The following WWC2 variants were observed in gnomAD, a reference collection of about 807,000 sequenced individuals.
The protein encoded by WWC2 is protein WWC2.
WWC2 carries 101 observed loss-of-function variants against 138.5 expected under a neutral mutation model. The ratio of observed to expected loss-of-function variants is 0.73; its 90% CI spans 0.62 to 0.86. WWC2 has a LOEUF of 0.86. Ranked by LOEUF, WWC2 falls within the 40% of genes least tolerant of loss-of-function variation. WWC2 has a pLI of 0.00. For missense variants in WWC2, 1,420 were observed against 1,419.4 expected (o/e 1.00, Z -0.01); for synonymous variants, 558 against 538.4 (o/e 1.04, Z -0.50).
At chr4:183,210,881 C>A (rs573489981) in intron 4 of WWC2, among the ~76,000 whole-genome samples, 1 of 152,130 alleles carries the variant, frequency 6.6e-6, no homozygotes, top group Non-Finnish European at 1.5e-5. Flanking sequence ...CGAGACATAC[C>A]GTCTTATATG....
Position 183,099,360 on chromosome 4 carries a change from C to CGCGCCCT in WWC2, c.-125_-119dup, listed in dbSNP as rs1347350075. On this transcript the variant is annotated 5_prime_UTR_variant, in exon 1 of 23. Coordinates refer to ENST00000403733, the MANE Select transcript of WWC2 (RefSeq NM_024949.6). Reference sequence around the variant, plus strand: ...TCCCGCGCGTGGTTCCGCCGCGCCCCGCGCCCTGCGCCCCTCAGCCCCTCG... The same window carrying CGCGCCCT: ...TCCCGCGCGTGGTTCCGCCGCGCCCCGCGCCCTGCGCCCTGCGCCCCTCAGCCCCTCG... 8.5e-5 allele frequency: 83 copies of CGCGCCCT among 973,428 alleles called. 1 individual carries two copies. The highest frequency in any genetic ancestry group is 8.2e-4 in the African/African-American group (47 of 57,662). The allele number at this position is 973,428 out of a possible 1,614,324, so 60.3% of individuals were successfully genotyped here. A position where few individuals can be genotyped will look rare whatever the true frequency, so the allele number is the denominator to read the frequency against.
chr4:183,288,929 T>C (rs1324239927), intron 20 of WWC2, among the ~76,000 whole-genome samples: 1 of 152,244 alleles, frequency 6.6e-6, no homozygotes, highest in African/African-American at 2.4e-5. Flanking sequence ...TCTTGCAATG[T>C]ATTTATTTAT....
chr4:183,247,804 G>GTA (rs1284905921), intron 6 of WWC2, among the ~76,000 whole-genome samples: 5 of 132,838 alleles, frequency 3.8e-5, no homozygotes, highest in Non-Finnish European at 6.4e-5. Flanking sequence ...ATAGTATATA[G>GTA]TATATATATC....
intron 1 of WWC2, among the ~76,000 whole-genome samples, chr4:183,113,505 T>TGC (rs1732308297): frequency 1.4e-5 from 2 of 146,748 alleles, no homozygotes; most frequent in African/African-American, 5.3e-5. Flanking sequence ...TGTGTGTGTG[T>TGC]GTGTGTGTGT....
Position 183,320,371 on chromosome 4 carries a change from C to G in WWC2, c.*4642C>G. The G allele has an allele frequency of 1.3e-6, 1 of 751,656 alleles. No homozygotes were observed. Among genetic ancestry groups the G allele is most frequent in the African/African-American group, 1.8e-5 (1 of 56,376 alleles). 46.6% of individuals were successfully genotyped at this position (751,656 alleles called of 1,614,324 possible). ...TTGCCAGAGTTGCTATTGTTTGATT[C>G]CATGTTGAATGGGTTTCACAAAAGG... On this transcript the variant is annotated 3_prime_UTR_variant, in exon 23 of 23. Coordinates refer to ENST00000403733, the MANE Select transcript of WWC2 (RefSeq NM_024949.6).
chr4:183,271,311 A>T, intron 16 of WWC2, 70 bp downstream of exon 16: 1 of 1,272,662 alleles, frequency 7.9e-7, no homozygotes, highest in Non-Finnish European at 1.0e-6. Flanking sequence ...TATGAAAGTA[A>T]TATGAAATAT....
chr4:183,270,168 G>A (rs986123913), intron 15 of WWC2: 1 of 152,142 alleles, frequency 6.6e-6, no homozygotes, highest in South Asian at 2.1e-4. Flanking sequence ...TATCAGAAAG[G>A]CTTTAGTATC....
At chr4:183,254,040 G>T in intron 9 of WWC2, 41 bp downstream of exon 9, 6 of 1,598,120 alleles carry the variant, frequency 3.8e-6, no homozygotes, top group South Asian at 1.1e-5. Context: ...TAACTCTTGT[G>T]GGGGTGTCTT....
intron 21 of WWC2, among the ~76,000 whole-genome samples, chr4:183,297,452 C>G (rs1738671091): frequency 6.6e-6 from 1 of 151,632 alleles, no homozygotes; most frequent in African/African-American, 2.4e-5. Context: ...TCTTGTCACC[C>G]AGACTGAAGT....
intron 4 of WWC2, among the ~76,000 whole-genome samples, chr4:183,223,793 C>T (rs1203220405): frequency 6.6e-6 from 1 of 152,156 alleles, no homozygotes; most frequent in Non-Finnish European, 1.5e-5. Flanking sequence ...GGCAGTGCGG[C>T]AATCTCGGCT....
chr4:183,160,987 G>GT (rs1233718365), intron 1 of WWC2, among the ~76,000 whole-genome samples: 2 of 151,916 alleles, frequency 1.3e-5, no homozygotes, highest in Non-Finnish European at 2.9e-5. Context: ...AACACAAAAG[G>GT]TAACTGTAAA....
chr4:183,268,938 C>G (rs781696742), intron 14 of WWC2, 33 bp from the exon 15 acceptor site: 1 of 1,572,092 alleles, frequency 6.4e-7, no homozygotes. Context: ...ATTAAAGTAC[C>G]TATGAAATCC....
chr4:183,293,866 A>G (rs981025440), intron 21 of WWC2, among the ~76,000 whole-genome samples: 2 of 152,198 alleles, frequency 1.3e-5, no homozygotes, highest in Admixed American at 6.5e-5. Context: ...TTTAACAAAA[A>G]TAAACCGTAC....
chr4:183,261,223 C>G lies in WWC2; in HGVS notation c.1600C>G (p.Pro534Ala), dbSNP rs748482615. Residue 534 changes from proline to alanine, a missense_variant, in exon 11 of 23, where the codon CCT becomes GCT. Pro to Ala is a conservative substitution (Grantham distance 27). Transcript: ENST00000403733. ...GGCAGCTGCAGCAACAGGCCACACTCCTCCACTGGCTGAGGCCCCGAAGTC... is the reference window on the plus strand; with the variant it reads ...GGCAGCTGCAGCAACAGGCCACACTGCTCCACTGGCTGAGGCCCCGAAGTC... ...GVAAAATGHT[P>A]PLAEAPKSVA... is the part of the protein sequence containing the mutation. The G allele has an allele frequency of 6.2e-7, 1 of 1,612,946 alleles. No individual in the cohort carries two copies. Among genetic ancestry groups the G allele is most frequent in the South Asian group, 1.1e-5 (1 of 90,874 alleles).
chr4:183,145,050 C>T (rs886309069), intron 1 of WWC2, among the ~76,000 whole-genome samples: 2 of 152,048 alleles, frequency 1.3e-5, no homozygotes, highest in African/African-American at 4.8e-5. Flanking sequence ...GGTTTGATAC[C>T]CTGTAGTTAG....
At chr4:183,224,884 C>G (rs2111272892) in intron 4 of WWC2, among the ~76,000 whole-genome samples, 1 of 152,168 alleles carries the variant, frequency 6.6e-6, no homozygotes, top group East Asian at 1.9e-4. Flanking sequence ...TTTAAAGTAT[C>G]AATTTGTGCT....
At chr4:183,154,002 C>CAAAAAAAA (rs35002790) in intron 1 of WWC2, among the ~76,000 whole-genome samples, 7 of 71,642 alleles carry the variant, frequency 9.8e-5, no homozygotes, top group African/African-American at 3.5e-4. Context: ...CTTTAAAAAG[C>CAAAAAAAA]AAAAAAAAAA....
chr4:183,190,955 T>G (rs760978953), intron 1 of WWC2, among the ~76,000 whole-genome samples: 1 of 152,224 alleles, frequency 6.6e-6, no homozygotes, highest in Non-Finnish European at 1.5e-5. Context: ...CTAATATTTC[T>G]CTTTTGGCAC....
Position 183,130,988 on chromosome 4 carries a change from T to A in WWC2, c.131+31366T>A, listed in dbSNP as rs75734365. Among the ~76,000 whole-genome samples, 307 of 152,366 alleles carry A rather than the reference T, an allele frequency of 2.0e-3. 1 individual carries two copies. Among genetic ancestry groups the A allele is most frequent in the African/African-American group, 7.1e-3 (296 of 41,588 alleles). ...CCAGTTTGACACATAAAGTGAACTA[T>A]CACTGCAATCAAGACAGTGTGGTAT... On this transcript the variant is annotated intron_variant, in intron 1 of 22. Coordinates refer to ENST00000403733, the MANE Select transcript of WWC2 (RefSeq NM_024949.6).
Sources: allele counts gnomAD v4.1 joint callset (sites outside exome capture counted in the v4.1 genomes callset), GRCh38; gene constraint gnomAD v4.1.1; transcripts MANE v1.5; gene names NCBI Gene and HGNC (gene_info 2026-07-23, HGNC 2026-07-21).